The following ADAMTS17 variants were observed in gnomAD, a reference collection of about 807,000 sequenced individuals.
The protein encoded by ADAMTS17 is A disintegrin and metalloproteinase with thrombospondin motifs 17.
Under a neutral mutation model 141.5 loss-of-function variants are expected in ADAMTS17, and 113 were observed. The ratio of observed to expected loss-of-function variants is 0.80; its 90% confidence interval spans 0.69 to 0.93. The LOEUF (loss-of-function observed/expected upper bound fraction) is 0.93, where lower values mean the gene tolerates loss of function less well. Among genes scored for constraint, ADAMTS17 ranks in the 40% least tolerant of loss-of-function variants. ADAMTS17 has a pLI of 0.00. For missense variants in ADAMTS17, 1,659 were observed against 1,517.9 expected (o/e 1.09, Z -1.54); for synonymous variants, 768 against 630.6 (o/e 1.22, Z -3.27).
intron 18 of ADAMTS17, among the ~76,000 whole-genome samples, chr15:100,012,467 T>G (rs1452064009): frequency 6.6e-6 from 1 of 152,200 alleles, no homozygotes; most frequent in Admixed American, 6.5e-5. Flanking sequence ...CTAAGCCAAT[T>G]TCTAGAAGGG....
At chr15:100,312,887 A>G (rs1051985045) in intron 3 of ADAMTS17, among the ~76,000 whole-genome samples, 13 of 152,226 alleles carry the variant, frequency 8.5e-5, no homozygotes, top group Non-Finnish European at 1.5e-4. Flanking sequence ...GTAATAATAC[A>G]TAAATAAAGG....
At chr15:100,110,236 AAT>A (rs71151937) in intron 13 of ADAMTS17, among the ~76,000 whole-genome samples, 6,186 of 139,512 alleles carry the variant, frequency 0.044, 418 homozygotes, top group African/African-American at 0.16. Context: ...TATTTATATA[AAT>A]ATATATATAT....
chr15:100,223,755 T>TAC (rs759843790), intron 7 of ADAMTS17, among the ~76,000 whole-genome samples: 16 of 151,342 alleles, frequency 1.1e-4, no homozygotes, highest in Admixed American at 3.3e-4. Flanking sequence ...TATATATATA[T>TAC]ACACACACAC....
intron 18 of ADAMTS17, among the ~76,000 whole-genome samples, chr15:100,044,638 C>G (rs1409767562): frequency 6.6e-6 from 1 of 152,128 alleles, no homozygotes; most frequent in Non-Finnish European, 1.5e-5. Context: ...TTCCAACATA[C>G]ATGTCATCTT....
chr15:100,116,563 G>A (rs938916989), intron 13 of ADAMTS17, among the ~76,000 whole-genome samples: 3 of 152,248 alleles, frequency 2.0e-5, no homozygotes, highest in Admixed American at 2.0e-4. Flanking sequence ...CATGGCGCCA[G>A]GGGCAGGATG....
intron 19 of ADAMTS17, among the ~76,000 whole-genome samples, chr15:99,994,856 G>A (rs576121711): frequency 2.0e-5 from 3 of 152,356 alleles, no homozygotes; most frequent in East Asian, 1.9e-4. Context: ...GAGCCATTGC[G>A]CCTCGCAGCT....
chr15:100,150,508 G>A (rs1039379302), intron 10 of ADAMTS17, among the ~76,000 whole-genome samples: 2 of 152,160 alleles, frequency 1.3e-5, no homozygotes, highest in African/African-American at 4.8e-5. Flanking sequence ...TGCAGTCAGG[G>A]TTGTGTGTGA....
chr15:100,036,364 C>A (rs887260366), intron 18 of ADAMTS17, among the ~76,000 whole-genome samples: 1 of 152,214 alleles, frequency 6.6e-6, no homozygotes, highest in Non-Finnish European at 1.5e-5. Context: ...AGAGAAGCAG[C>A]CCAGCATGAT....
chr15:100,122,227 A>G (rs1257704952), intron 12 of ADAMTS17, among the ~76,000 whole-genome samples: 2 of 152,136 alleles, frequency 1.3e-5, no homozygotes, highest in African/African-American at 2.4e-5. Flanking sequence ...TTTACCTCTT[A>G]GTAAGTTCCC....
chr15:100,021,644 C>T (rs573429683), intron 18 of ADAMTS17, among the ~76,000 whole-genome samples: 4 of 152,304 alleles, frequency 2.6e-5, no homozygotes, highest in Admixed American at 1.3e-4. Flanking sequence ...GTTCAGTCCA[C>T]GCTCCTTCAT....
At chr15:100,281,769 A>G (rs903201821) in intron 3 of ADAMTS17, among the ~76,000 whole-genome samples, 13 of 152,192 alleles carry the variant, frequency 8.5e-5, no homozygotes, top group African/African-American at 2.9e-4. Flanking sequence ...CAGGGGTCTG[A>G]AAGGCCACAC....
In ADAMTS17 at chr15:100,283,858, C is replaced by A. The variant is rs141253496; in HGVS notation, c.617-2457G>T. Among the ~76,000 whole-genome samples, 505 of 152,330 alleles carry A rather than the reference C, an allele frequency of 3.3e-3. 2 individuals carry two copies. The highest frequency in any genetic ancestry group is 0.012 in the African/African-American group (498 of 41,574). On this transcript the variant is annotated intron_variant, in intron 3 of 21. Transcript: ENST00000268070. ...CAGTGGCTCACGCCTGTAATCCCAG[C>A]ACTTTGGAAGGCCAAGGAGGGCAGA...
At chr15:100,255,214 A>G (rs76642956) in intron 6 of ADAMTS17, among the ~76,000 whole-genome samples, 1 of 152,072 alleles carries the variant, frequency 6.6e-6, no homozygotes, top group Admixed American at 6.5e-5. Flanking sequence ...ATGCTTCTTT[A>G]TAAGTTTCCA....
At chr15:100,056,630 C>T (rs564326425) in intron 15 of ADAMTS17, among the ~76,000 whole-genome samples, 9 of 152,264 alleles carry the variant, frequency 5.9e-5, no homozygotes, top group Admixed American at 3.3e-4. Flanking sequence ...CGGTCATGCT[C>T]GCTCGCAGGG....
chr15:100,322,586 A>C (rs566960172), intron 3 of ADAMTS17, among the ~76,000 whole-genome samples: 17 of 152,342 alleles, frequency 1.1e-4, no homozygotes, highest in Non-Finnish European at 1.8e-4. Flanking sequence ...TTTAAGAGAA[A>C]AGACAATCAA....
intron 15 of ADAMTS17, among the ~76,000 whole-genome samples, chr15:100,071,674 T>C (rs142231652): frequency 0.012 from 1,875 of 150,464 alleles, 154 homozygotes; most frequent in African/African-American, 0.044. Context: ...ATTATCTCAA[T>C]AGATGCAGAA....
At chr15:100,107,355 C>T (rs565320539) in intron 14 of ADAMTS17, among the ~76,000 whole-genome samples, 48 of 152,228 alleles carry the variant, frequency 3.2e-4, no homozygotes, top group African/African-American at 7.0e-4. Context: ...GTGAGGGCAA[C>T]GCATGGTGAT....
At chr15:100,265,840 GCA>G (rs1383754444) in intron 4 of ADAMTS17, among the ~76,000 whole-genome samples, 3 of 152,210 alleles carry the variant, frequency 2.0e-5, no homozygotes, top group Non-Finnish European at 4.4e-5. Context: ...CATGACCTGG[GCA>G]CTTGTTGGAA....
intron 7 of ADAMTS17, among the ~76,000 whole-genome samples, chr15:100,224,396 C>A (rs780992301): frequency 6.6e-6 from 1 of 152,124 alleles, no homozygotes; most frequent in Non-Finnish European, 1.5e-5. Context: ...TCCTCCTTTG[C>A]AGCCAGCCAT....
Sources: gnomAD v4.1 joint callset for allele counts (sites outside exome capture counted in the v4.1 genomes callset) on GRCh38, gnomAD v4.1.1 for gene constraint, MANE v1.5 for transcripts, NCBI Gene and HGNC (gene_info 2026-07-23, HGNC 2026-07-21) for gene names.